The following QRICH1 variants were observed in gnomAD, a reference collection of about 807,000 sequenced individuals.
QRICH1 encodes the protein glutamine rich 1.
In QRICH1, 16 loss-of-function variants were observed where a neutral mutation model predicts 87.1. The ratio of observed to expected loss-of-function variants is 0.18; its 90% CI spans 0.12 to 0.28. The LOEUF (loss-of-function observed/expected upper bound fraction) is 0.28, where lower values mean the gene tolerates loss of function less well. Among genes scored for constraint, QRICH1 ranks in the 10% least tolerant of loss-of-function variants. The pLI is 1.00. For missense variants in QRICH1, 647 were observed against 951.7 expected (o/e 0.68, Z 4.21); for synonymous variants, 367 against 368.4 (o/e 1.00, Z 0.05).
chr3:49,069,507 TA>T (rs1370942635), intron 2 of QRICH1, among the ~76,000 whole-genome samples: 2 of 150,252 alleles, frequency 1.3e-5, no homozygotes, highest in East Asian at 3.9e-4. Flanking sequence ...AAGAGCACTC[TA>T]AAAGGCTGGC....
intron 1 of QRICH1, among the ~76,000 whole-genome samples, chr3:49,092,926 A>G (rs1160954799): frequency 6.6e-6 from 1 of 152,258 alleles, no homozygotes; most frequent in African/African-American, 2.4e-5. Flanking sequence ...TTAATATAAT[A>G]AAGTAAGCCC....
intron 1 of QRICH1, among the ~76,000 whole-genome samples, chr3:49,090,315 C>T (rs772332825): frequency 5.9e-5 from 9 of 152,148 alleles, no homozygotes; most frequent in Non-Finnish European, 1.0e-4. Flanking sequence ...AAAAATTAGC[C>T]GGGCATGGTG....
At chr3:49,085,627 AC>A (rs2042154256) in intron 1 of QRICH1, among the ~76,000 whole-genome samples, 1 of 151,704 alleles carries the variant, frequency 6.6e-6, no homozygotes, top group Non-Finnish European at 1.5e-5. Context: ...GTGTGGTGAC[AC>A]GTGCCTGTAA....
intron 8 of QRICH1, 37 bp downstream of exon 8, chr3:49,032,585 A>G (rs777926724): frequency 1.3e-6 from 2 of 1,535,384 alleles, no homozygotes; most frequent in African/African-American, 1.4e-5. Flanking sequence ...CAGGACAAGT[A>G]GCACCTGTTT....
chr3:49,036,010 C>T (rs1376537694), intron 6 of QRICH1, among the ~76,000 whole-genome samples: 4 of 151,962 alleles, frequency 2.6e-5, no homozygotes, highest in Admixed American at 1.3e-4. Context: ...TGCTTCAGCC[C>T]AGGAGGTAGA....
chr3:49,041,768 C>T (rs2093311698), intron 6 of QRICH1, among the ~76,000 whole-genome samples: 2 of 151,780 alleles, frequency 1.3e-5, no homozygotes, highest in Admixed American at 1.3e-4. Flanking sequence ...GTAGCTGGGA[C>T]TACAGGCACA....
At chr3:49,037,275 A>G (rs1418837067) in intron 6 of QRICH1, among the ~76,000 whole-genome samples, 2 of 152,182 alleles carry the variant, frequency 1.3e-5, no homozygotes, top group Non-Finnish European at 2.9e-5. Flanking sequence ...ATCAATCTGT[A>G]TATTCAATTA....
chr3:49,090,628 CA>C (rs35351750), intron 1 of QRICH1, among the ~76,000 whole-genome samples: 113 of 119,484 alleles, frequency 9.5e-4, no homozygotes, highest in African/African-American at 1.9e-3. Flanking sequence ...AACTCCATCT[CA>C]AAAAAAAAAA....
chr3:49,030,671 G>A (rs915551953), intron 9 of QRICH1, 27 bp from the exon 10 acceptor site: 3 of 1,510,792 alleles, frequency 2.0e-6, no homozygotes, highest in African/African-American at 2.8e-5. Flanking sequence ...TAAAAGTTGG[G>A]TACCACCAAT....
chr3:49,039,824 C>T (rs932086045), intron 6 of QRICH1, among the ~76,000 whole-genome samples: 1 of 152,128 alleles, frequency 6.6e-6, no homozygotes, highest in East Asian at 1.9e-4. Flanking sequence ...CTTTGGGAGG[C>T]TGAGGCAGGC....
chr3:49,085,221 G>A (rs549076274), intron 1 of QRICH1, among the ~76,000 whole-genome samples: 1 of 151,918 alleles, frequency 6.6e-6, no homozygotes, highest in Non-Finnish European at 1.5e-5. Flanking sequence ...GCTGATCATA[G>A]TATGATTTTC....
chr3:49,051,593 C>CCG (rs2093371169), intron 3 of QRICH1, among the ~76,000 whole-genome samples: 1 of 139,874 alleles, frequency 7.1e-6, no homozygotes, highest in African/African-American at 2.7e-5. Context: ...CGCCCCCCCC[C>CCG]CCCTCCGCTT....
chr3:49,058,959 CTCTT>C (rs1351130888), intron 2 of QRICH1, among the ~76,000 whole-genome samples: 8 of 142,784 alleles, frequency 5.6e-5, no homozygotes, highest in Admixed American at 3.6e-4. Context: ...TGGAGTTTCA[CTCTT>C]TTTTTTTTTT....
rs745458191 is a variant in QRICH1 at position 49,044,404 on chromosome 3, C to T, written c.1772G>A (p.Arg591Gln). 1.4e-5 allele frequency: 23 copies of T among 1,611,582 alleles called. No homozygotes were observed. The highest frequency in any genetic ancestry group is 4.4e-5 in the South Asian group (4 of 90,884). ...LHEVLKDVQP[R>Q]VTPLGYVLPS... ...GAGACTCTTACCAAGTGGAGTGACC[C>T]GGGGCTGAACATCCTTCAGAACTTC... The change falls in exon 6 of 10, where the codon CGG becomes CAG. Residue 591 changes from arginine (R) to glutamine (Q), a missense_variant. Physicochemically the swap from Arg to Gln is conservative, Grantham distance 43. This residue lies in a region of QRICH1 where 187 missense variants were observed against 309.5 expected (regional missense o/e 0.60). Coordinates refer to ENST00000395443, the MANE Select transcript of QRICH1 (RefSeq NM_198880.3).
chr3:49,032,933 T>C (rs954997174), intron 7 of QRICH1, 160 bp from the exon 8 acceptor site: 2 of 997,490 alleles, frequency 2.0e-6, no homozygotes, highest in East Asian at 2.7e-5. Flanking sequence ...CACATCAAGA[T>C]GGATGGTAGG....
chr3:49,036,877 A>G (rs1306784286), intron 6 of QRICH1, among the ~76,000 whole-genome samples: 4 of 151,970 alleles, frequency 2.6e-5, no homozygotes, highest in African/African-American at 9.7e-5. Context: ...AGCCTGGGCA[A>G]CATGGCAAAA....
chr3:49,071,023 T>C (rs1240362691), intron 2 of QRICH1, among the ~76,000 whole-genome samples: 1 of 151,622 alleles, frequency 6.6e-6, no homozygotes. Flanking sequence ...TCAGTTTATC[T>C]TGAACATAAA....
At chr3:49,093,827 C>T in intron 1 of QRICH1, 85 bp downstream of exon 1, 1 of 267,934 alleles carries the variant, frequency 3.7e-6, no homozygotes, top group Non-Finnish European at 6.9e-6. Context: ...GTGGCCCGCC[C>T]GCCCCCGCCC....
intron 3 of QRICH1, among the ~76,000 whole-genome samples, chr3:49,056,552 T>C (rs548022650): frequency 6.6e-6 from 1 of 152,326 alleles, no homozygotes; most frequent in South Asian, 2.1e-4. Context: ...GTCCCATTCA[T>C]CTACACCTGT....
Sources: gnomAD v4.1 joint callset for allele counts (sites outside exome capture counted in the v4.1 genomes callset) on GRCh38, gnomAD v4.1.1 for gene constraint, gnomAD v4.1.1 regional missense constraint, MANE v1.5 for transcripts, NCBI Gene and HGNC (gene_info 2026-07-23, HGNC 2026-07-21) for gene names.